Variants in TUSC2 observed in about 807,000 individuals in gnomAD.
The protein encoded by TUSC2 is tumor suppressor candidate 2.
A neutral mutation model predicts 11.5 loss-of-function variants in TUSC2; 7 were observed. That is an observed-to-expected ratio of 0.61 (90% CI 0.35 to 1.14). The LOEUF is 1.14. TUSC2 is among the 50% of genes most tolerant of loss of function. The probability of loss-of-function intolerance (pLI) is 0.03; values close to 1 mark genes in which losing one functional copy is unlikely to be tolerated. For missense variants in TUSC2, 132 were observed against 155.0 expected, an observed-to-expected ratio of 0.85 and a Z score of 0.79; for synonymous variants, 61 against 64.1, an observed-to-expected ratio of 0.95 and a Z score of 0.23.
At chr3:50,326,620 T>A (rs1170794277) in intron 1 of TUSC2, 143 bp from the exon 2 acceptor site, 77 of 1,302,110 alleles carry the variant, frequency 5.9e-5, no homozygotes, top group Middle Eastern at 2.6e-4. Context: ...ATCCTTTTTT[T>A]AAAAAAAATT....
At chr3:50,327,677 T>C (rs1553717532) in intron 1 of TUSC2, among the ~76,000 whole-genome samples, 1 of 144,830 alleles carries the variant, frequency 6.9e-6, no homozygotes, top group Non-Finnish European at 1.5e-5. Context: ...AGAGATCTTA[T>C]GGAGGTCTTA....
Position 50,328,200 on chromosome 3 carries a change from CCGCCGCCTTCCG to C in TUSC2, c.-113_-102del. 1 of 1,257,940 alleles carries C rather than the reference CCGCCGCCTTCCG, an allele frequency of 7.9e-7. No homozygotes were observed. Among genetic ancestry groups the C allele is most frequent in the Non-Finnish European group, 1.0e-6 (1 of 985,806 alleles). 77.9% of individuals were successfully genotyped at this position (1,257,940 alleles called of 1,614,324 possible). A position where few individuals can be genotyped will look rare whatever the true frequency, so the allele number is the denominator to read the frequency against. On this transcript the variant is annotated 5_prime_UTR_variant, in exon 1 of 3. Transcript: ENST00000232496. ...CAGCCGCTGATCGCAGGTGCCGCCG[CCGCCGCCTTCCG>C]CAGGCTCGGCTGTCTCCACGGAAAC...
chr3:50,327,022 C>A, intron 1 of TUSC2: 1 of 376,024 alleles, frequency 2.7e-6, no homozygotes. Flanking sequence ...AGAAGAGAGC[C>A]CACACCAGAG....
intron 1 of TUSC2, among the ~76,000 whole-genome samples, chr3:50,327,581 G>A (rs1263040685): frequency 2.0e-5 from 3 of 152,164 alleles, no homozygotes; most frequent in Non-Finnish European, 4.4e-5. Context: ...CCTAAACAGA[G>A]GGTTATTATC....
At chr3:50,326,593 G>A (rs911709163) in intron 1 of TUSC2, 116 bp from the exon 2 acceptor site, 4 of 1,458,378 alleles carry the variant, frequency 2.7e-6, no homozygotes, top group Admixed American at 2.2e-5. Context: ...AAGAAAAGAG[G>A]ATAATATGCC....
chr3:50,326,523 T>G, intron 1 of TUSC2, 46 bp from the exon 2 acceptor site: 6 of 1,604,804 alleles, frequency 3.7e-6, no homozygotes, highest in Non-Finnish European at 5.1e-6. Flanking sequence ...GCCCCACACC[T>G]GGGCATGGCA....
chr3:50,326,330 C>G (rs1553717397), intron 2 of TUSC2, 27 bp downstream of exon 2: 1 of 1,613,798 alleles, frequency 6.2e-7, no homozygotes. Context: ...TTAGTGTAGG[C>G]TCTGTGACCG....
Position 50,327,939 on chromosome 3 carries a change from A to G in TUSC2, c.146+15T>C. The G allele has an allele frequency of 6.7e-7, 1 of 1,497,864 alleles. No individual in the cohort carries two copies. Among genetic ancestry groups the G allele is most frequent in the Non-Finnish European group, 8.9e-7 (1 of 1,125,944 alleles). 92.8% of individuals were successfully genotyped at this position (1,497,864 alleles called of 1,614,324 possible). ...CCGCCTGTTCCCCCCGCCAGGGTGG[A>G]ACCCATGCCCTTACCCGCGGCGCGT... On this transcript the variant is annotated intron_variant, in intron 1 of 2. Coordinates refer to ENST00000232496, the MANE Select transcript of TUSC2 (RefSeq NM_007275.3).
At chr3:50,326,956 A>G (rs1243775333) in intron 1 of TUSC2, 2 of 334,244 alleles carry the variant, frequency 6.0e-6, no homozygotes, top group Non-Finnish European at 1.2e-5. Flanking sequence ...GGGGTCTACT[A>G]GAAGAAAGTG....
rs782104279 is a variant in TUSC2 at position 50,326,084 on chromosome 3, C to T, written c.*37G>A. On this transcript the variant is annotated 3_prime_UTR_variant, in exon 3 of 3. Coordinates refer to ENST00000232496, the MANE Select transcript of TUSC2 (RefSeq NM_007275.3). ...TTGATTGAGCCTGGGAGTTTCTTGC[C>T]GGGGCAGGGGGTGCTTCTGTCTGCC... 16 of 1,557,674 alleles carry T rather than the reference C, an allele frequency of 1.0e-5. No homozygotes were observed. Among genetic ancestry groups the T allele is most frequent in the South Asian group, 2.4e-5 (2 of 84,502 alleles).
chr3:50,327,696 C>G (rs1347473429), intron 1 of TUSC2, among the ~76,000 whole-genome samples: 1 of 152,128 alleles, frequency 6.6e-6, no homozygotes, highest in Non-Finnish European at 1.5e-5. Context: ...TATGGAGGCC[C>G]TAGCTTAGCT....
In TUSC2 at chr3:50,326,197, A is replaced by C. The variant is rs1473607641; in HGVS notation, c.268-11T>G. On this transcript the variant is annotated splice_polypyrimidine_tract_variant and intron_variant, in intron 2 of 2. Coordinates refer to ENST00000232496, the MANE Select transcript of TUSC2 (RefSeq NM_007275.3). ...CAGCTTCACGATGCCCTGCCATGGAAACAGAGGCTAGTAAGGGTCAGCTCA... is the reference window on the plus strand; with the variant it reads ...CAGCTTCACGATGCCCTGCCATGGACACAGAGGCTAGTAAGGGTCAGCTCA... 2 of 1,604,514 alleles carry C rather than the reference A, an allele frequency of 1.2e-6. No individual in the cohort carries two copies. The highest frequency in any genetic ancestry group is 3.4e-5 in the Admixed American group (2 of 58,108).
At position 50,325,290 on chromosome 3, in the gene TUSC2, C is replaced by G. The variant is rs1458351018; in HGVS notation, c.*831G>C. On this transcript the variant is annotated 3_prime_UTR_variant, in exon 3 of 3. Transcript: ENST00000232496. This position sits in a 1 kb window ranked among gnomAD's most constrained non-coding sequence, Gnocchi z 5.1. ...CCACAAGGTGGTGAACAGTCCCCTCCCAATTGGAGGGGTGGAGGATTTGGT... is the reference window on the plus strand; with the variant it reads ...CCACAAGGTGGTGAACAGTCCCCTCGCAATTGGAGGGGTGGAGGATTTGGT... The G allele has an allele frequency of 3.9e-5, 6 of 152,438 alleles. 1 individual carries two copies. The highest frequency in any genetic ancestry group is 2.6e-4 in the Admixed American group (4 of 15,262). 9.4% of individuals were successfully genotyped at this position (152,438 alleles called of 1,614,324 possible). A position where few individuals can be genotyped will look rare whatever the true frequency, so the allele number is the denominator to read the frequency against.
Position 50,328,116 on chromosome 3 carries a change from C to T in TUSC2, c.-17G>A. On this transcript the variant is annotated 5_prime_UTR_variant, in exon 1 of 3. An upstream start codon of the reference 5' UTR is lost. Transcript: ENST00000232496. Reference sequence around the variant, plus strand: ...GGCGCCCATGTCAGGGCCGCCGGCGCATGGCGGGCCCCGTGGCCGCTCTGC... The same window carrying T: ...GGCGCCCATGTCAGGGCCGCCGGCGTATGGCGGGCCCCGTGGCCGCTCTGC... The T allele has an allele frequency of 1.5e-6, 2 of 1,366,656 alleles. No individual in the cohort carries two copies. The highest frequency in any genetic ancestry group is 3.4e-5 in the South Asian group (2 of 59,442). 84.7% of individuals were successfully genotyped at this position (1,366,656 alleles called of 1,614,324 possible).
At chr3:50,326,657 C>T (rs1702792314) in intron 1 of TUSC2, among the ~76,000 whole-genome samples, 180 bp from the exon 2 acceptor site, 1 of 152,188 alleles carries the variant, frequency 6.6e-6, no homozygotes, top group Non-Finnish European at 1.5e-5. Flanking sequence ...CACTCTGTTG[C>T]CCAGGCTGGA....
Position 50,328,010 on chromosome 3 carries a change from T to C in TUSC2, c.90A>G (p.Gln30=), listed in dbSNP as rs1269792123. The C allele has an allele frequency of 2.0e-6, 3 of 1,533,626 alleles. No individual in the cohort carries two copies. Among genetic ancestry groups the C allele is most frequent in the East Asian group, 5.2e-5 (2 of 38,286 alleles). ...GGGSEAAGAE[Q]ALVRPRGRAV... ...CTCGGCCCCGAGGCCGCACCAAAGC[T>C]TGCTCAGCTCCTGCTGCCTCTGAGC... is the stretch of plus-strand genomic sequence containing the variant. The change falls in exon 1 of 3, where the codon CAA becomes CAG. Residue 30 remains glutamine (Q), a synonymous_variant. Coordinates refer to ENST00000232496, the MANE Select transcript of TUSC2 (RefSeq NM_007275.3).
At position 50,328,158 on chromosome 3, in the gene TUSC2, A is replaced by G; in HGVS notation, c.-59T>C. 7.5e-7 allele frequency: 1 copy of G among 1,334,414 alleles called. No individual in the cohort carries two copies. The highest frequency in any genetic ancestry group is 9.6e-7 in the Non-Finnish European group (1 of 1,043,938). 82.7% of individuals were successfully genotyped at this position (1,334,414 alleles called of 1,614,324 possible). A position where few individuals can be genotyped will look rare whatever the true frequency, so the allele number is the denominator to read the frequency against. ...CCGCTCTGCTCACACCGCAGTCCGC[A>G]CTACCATAACCTGCCCCAGCCGCTG... On this transcript the variant is annotated 5_prime_UTR_variant, in exon 1 of 3. Coordinates refer to ENST00000232496, the MANE Select transcript of TUSC2 (RefSeq NM_007275.3).
Position 50,325,219 on chromosome 3 carries a change from AGGCTACTCATAACTACT to A in TUSC2, c.*885_*901del, listed in dbSNP as rs1702770565. The A allele has an allele frequency of 6.6e-6, 1 of 152,404 alleles. No individual in the cohort carries two copies. The highest frequency in any genetic ancestry group is 6.5e-5 in the Admixed American group (1 of 15,278). 9.4% of individuals were successfully genotyped at this position (152,404 alleles called of 1,614,324 possible). ...GGGTTACTGTAAGGGAGGGGGTGGTAGGCTACTCATAACTACTGGCACCAGCCTTAGGGTGTTGTCCC... is the reference window on the plus strand; with the variant it reads ...GGGTTACTGTAAGGGAGGGGGTGGTAGGCACCAGCCTTAGGGTGTTGTCCC... On this transcript the variant is annotated 3_prime_UTR_variant, in exon 3 of 3. Coordinates refer to ENST00000232496, the MANE Select transcript of TUSC2 (RefSeq NM_007275.3). This position sits in a 1 kb window ranked among gnomAD's most constrained non-coding sequence, Gnocchi z 5.1.
At chr3:50,327,506 G>A (rs1702804920) in intron 1 of TUSC2, among the ~76,000 whole-genome samples, 1 of 152,106 alleles carries the variant, frequency 6.6e-6, no homozygotes, top group Non-Finnish European at 1.5e-5. Flanking sequence ...CAATACTGAG[G>A]CCTATCCCTG....
Sources: gnomAD v4.1 joint callset for allele counts (sites outside exome capture counted in the v4.1 genomes callset) on GRCh38, gnomAD v4.1.1 for gene constraint, Gnocchi (gnomAD v3.1) non-coding constraint, MANE v1.5 for transcripts, NCBI Gene and HGNC (gene_info 2026-07-23, HGNC 2026-07-21) for gene names.